The following BTAF1 variants were observed in gnomAD, a reference collection of about 807,000 sequenced individuals.
BTAF1 encodes B-TFIID TATA-box binding protein associated factor 1.
In BTAF1, 38 loss-of-function variants were observed where a neutral mutation model predicts 227.1. That is an observed-to-expected ratio of 0.17 (90% CI 0.13 to 0.22). The LOEUF (loss-of-function observed/expected upper bound fraction) is 0.22. BTAF1 is among the 10% of genes least tolerant of loss of function. The pLI is 1.00. For synonymous variants in BTAF1, 742 were observed against 751.9 expected, an observed-to-expected ratio of 0.99 and a Z score of 0.21; for missense variants, 1,598 against 2,204.0, an observed-to-expected ratio of 0.73 and a Z score of 5.51.
intron 6 of BTAF1, among the ~76,000 whole-genome samples, chr10:91,954,427 CCT>C (rs1486368396): frequency 2.0e-5 from 3 of 152,034 alleles, no homozygotes; most frequent in Non-Finnish European, 4.4e-5. Flanking sequence ...AAGTCACTGT[CCT>C]CTGTTTCTTC....
chr10:92,005,500 C>G (rs919429048), intron 25 of BTAF1, among the ~76,000 whole-genome samples: 2 of 152,106 alleles, frequency 1.3e-5, no homozygotes, highest in African/African-American at 4.8e-5. Context: ...CAGTTTCTTT[C>G]ATTAATGTTC....
At chr10:92,026,142 A>C (rs542011507) in intron 35 of BTAF1, among the ~76,000 whole-genome samples, 3 of 152,256 alleles carry the variant, frequency 2.0e-5, no homozygotes, top group African/African-American at 7.2e-5. Context: ...TCTTTTTCCT[A>C]GAAGTTACTA....
At chr10:91,993,356 C>T (rs1848928971) in intron 21 of BTAF1, among the ~76,000 whole-genome samples, 1 of 152,140 alleles carries the variant, frequency 6.6e-6, no homozygotes, top group Non-Finnish European at 1.5e-5. Context: ...TCTATCTTCT[C>T]TCTAGCTGAC....
intron 1 of BTAF1, among the ~76,000 whole-genome samples, chr10:91,930,809 C>G (rs1173203016): frequency 6.6e-6 from 1 of 152,140 alleles, no homozygotes; most frequent in Non-Finnish European, 1.5e-5. Flanking sequence ...TTTTACTGTA[C>G]TTTTGCCACG....
intron 14 of BTAF1, among the ~76,000 whole-genome samples, chr10:91,970,965 T>C (rs542667932): frequency 6.6e-6 from 1 of 152,366 alleles, no homozygotes; most frequent in South Asian, 2.1e-4. Context: ...ATATGTCAAT[T>C]TCAAGTTAGA....
At chr10:91,948,547 T>G (rs954028046) in intron 4 of BTAF1, among the ~76,000 whole-genome samples, 2 of 151,268 alleles carry the variant, frequency 1.3e-5, no homozygotes, top group African/African-American at 4.9e-5. Context: ...TGGCTAATTT[T>G]TTATTTTTTT....
At chr10:92,017,431 C>T (rs1850813960) in intron 33 of BTAF1, among the ~76,000 whole-genome samples, 1 of 152,134 alleles carries the variant, frequency 6.6e-6, no homozygotes, top group South Asian at 2.1e-4. Flanking sequence ...CCACAGAAAA[C>T]CTCCTGCTAA....
intron 4 of BTAF1, among the ~76,000 whole-genome samples, chr10:91,944,950 A>G (rs117780401): frequency 0.017 from 2,612 of 152,324 alleles, 189 homozygotes; most frequent in Admixed American, 0.13. Flanking sequence ...ACAGTTGCCT[A>G]CAGTATTTAG....
At chr10:91,973,687 G>A (rs892515122) in intron 14 of BTAF1, among the ~76,000 whole-genome samples, 7 of 151,662 alleles carry the variant, frequency 4.6e-5, no homozygotes, top group Admixed American at 2.6e-4. Context: ...GGCGGATCAC[G>A]AGGTCAGGAG....
chr10:91,993,938 C>A, intron 22 of BTAF1, 91 bp downstream of exon 22: 1 of 1,001,612 alleles, frequency 1.0e-6, no homozygotes, highest in Non-Finnish European at 1.3e-6. Context: ...GCCTCTATGC[C>A]TCTACCTGTT....
At chr10:91,971,317 C>T (rs950388282) in intron 14 of BTAF1, among the ~76,000 whole-genome samples, 2 of 152,134 alleles carry the variant, frequency 1.3e-5, no homozygotes, top group African/African-American at 2.4e-5. Flanking sequence ...CTGCCCTGAT[C>T]CTTGCTGTTT....
intron 1 of BTAF1, among the ~76,000 whole-genome samples, chr10:91,924,781 T>C (rs572130845): frequency 1.3e-5 from 2 of 152,312 alleles, no homozygotes; most frequent in South Asian, 4.1e-4. Flanking sequence ...TGTATAGCTA[T>C]AGGAGAAACA....
intron 19 of BTAF1, among the ~76,000 whole-genome samples, chr10:91,988,946 G>C (rs1299885331): frequency 6.6e-6 from 1 of 152,112 alleles, no homozygotes; most frequent in Admixed American, 6.5e-5. Context: ...CTTTCTTAAA[G>C]AATATAATGC....
At chr10:91,992,825 T>C (rs1048599159) in intron 21 of BTAF1, among the ~76,000 whole-genome samples, 1 of 152,194 alleles carries the variant, frequency 6.6e-6, no homozygotes, top group East Asian at 1.9e-4. Flanking sequence ...CTTTCCATTA[T>C]CTCCCATTGG....
Position 91,960,018 on chromosome 10 carries a change from G to C in BTAF1, c.1127G>C (p.Gly376Ala). ...PVRETCAQTL[G>A]VVLKHMNETG... Reference sequence around the variant, plus strand: ...CGTGAAACTTGTGCTCAAACATTAGGTGTGGTTTTAAAACACATGAACGAA... The same window carrying C: ...CGTGAAACTTGTGCTCAAACATTAGCTGTGGTTTTAAAACACATGAACGAA... Residue 376 changes from glycine (G) to alanine (A), a missense_variant, in exon 11 of 38, where the codon GGT (glycine) becomes GCT (alanine). Physicochemically the swap from Gly to Ala is moderately conservative, Grantham distance 60. This residue lies in a region of BTAF1 where 52 missense variants were observed against 72.4 expected (regional missense o/e 0.72). Transcript: ENST00000265990. 6.2e-7 allele frequency: 1 copy of C among 1,612,720 alleles called. No individual in the cohort carries two copies. The highest frequency in any genetic ancestry group is 8.5e-7 in the Non-Finnish European group (1 of 1,179,286).
In BTAF1 at chr10:91,989,143, T is replaced by G. The variant is rs750131606; in HGVS notation, c.2428-11T>G. The G allele has an allele frequency of 1.9e-6, 3 of 1,586,194 alleles. No individual in the cohort carries two copies. Among genetic ancestry groups the G allele is most frequent in the Non-Finnish European group, 2.6e-6 (3 of 1,168,232 alleles). On this transcript the variant is annotated splice_polypyrimidine_tract_variant and intron_variant, in intron 19 of 37. Transcript: ENST00000265990. Reference sequence around the variant, plus strand: ...TGATTAATGATTTTTAATTTCTTTTTTTTTTAATAGGTCACTACTGTTTTT... The same window carrying G: ...TGATTAATGATTTTTAATTTCTTTTGTTTTTAATAGGTCACTACTGTTTTT...
chr10:91,951,129 G>A (rs1845741251), intron 4 of BTAF1, among the ~76,000 whole-genome samples: 1 of 151,996 alleles, frequency 6.6e-6, no homozygotes, highest in South Asian at 2.1e-4. Context: ...CCTGGCCCAG[G>A]AATGAATCTT....
chr10:91,956,037 A>G (rs759333853), intron 6 of BTAF1, among the ~76,000 whole-genome samples: 1 of 152,130 alleles, frequency 6.6e-6, no homozygotes, highest in Non-Finnish European at 1.5e-5. Flanking sequence ...TTAAGTCATA[A>G]TAGAACATTT....
At chr10:91,997,478 CT>C in intron 24 of BTAF1, 124 bp from the exon 25 acceptor site, 1 of 822,250 alleles carries the variant, frequency 1.2e-6, no homozygotes, top group Non-Finnish European at 1.9e-6. Context: ...GAGGGTCAGT[CT>C]TTTCCCTCAT....
Sources: gnomAD v4.1 joint callset for allele counts (sites outside exome capture counted in the v4.1 genomes callset) on GRCh38, gnomAD v4.1.1 for gene constraint, gnomAD v4.1.1 regional missense constraint, MANE v1.5 for transcripts, NCBI Gene and HGNC (gene_info 2026-07-23, HGNC 2026-07-21) for gene names.